The following TRHR variants were observed in gnomAD, a reference collection of about 807,000 sequenced individuals.
TRHR encodes the protein thyrotropin-releasing hormone receptor.
TRHR carries 14 observed loss-of-function variants against 28.0 expected under a neutral mutation model. The ratio of observed to expected loss-of-function variants is 0.50; its 90% CI spans 0.33 to 0.78. The LOEUF (loss-of-function observed/expected upper bound fraction) is 0.78, where lower values mean the gene tolerates loss of function less well. Among genes scored for constraint, TRHR ranks in the 30% least tolerant of loss-of-function variants. The pLI is 0.02. For missense variants in TRHR, 438 were observed against 469.5 expected (o/e 0.93, Z 0.62); for synonymous variants, 176 against 171.9 (o/e 1.02, Z -0.18).
At chr8:109,089,833 G>A (rs148717181) in intron 2 of TRHR, among the ~76,000 whole-genome samples, 71 of 152,288 alleles carry the variant, frequency 4.7e-4, no homozygotes, top group African/African-American at 1.6e-3. Context: ...CTGCAGCAAG[G>A]AAGATCAGGG....
chr8:109,099,938 A>G (rs1811650970), intron 2 of TRHR, among the ~76,000 whole-genome samples: 14 of 152,186 alleles, frequency 9.2e-5, no homozygotes, highest in Admixed American at 9.2e-4. Flanking sequence ...CTCTTAGCTT[A>G]GAAAATAAGG....
At chr8:109,087,343 G>A (rs941512606) in intron 1 of TRHR, 82 bp from the exon 2 acceptor site, 37 of 743,406 alleles carry the variant, frequency 5.0e-5, no homozygotes, top group Non-Finnish European at 6.8e-5. Flanking sequence ...AGTGAAAGGA[G>A]TGGAAGTGAC....
At chr8:109,109,966 AG>A (rs1811805774) in intron 2 of TRHR, among the ~76,000 whole-genome samples, 1 of 152,144 alleles carries the variant, frequency 6.6e-6, no homozygotes, top group Non-Finnish European at 1.5e-5. Flanking sequence ...TCACAGAGGA[AG>A]GGTCATGTCA....
At chr8:109,093,533 G>A (rs1811545460) in intron 2 of TRHR, among the ~76,000 whole-genome samples, 1 of 149,534 alleles carries the variant, frequency 6.7e-6, no homozygotes, top group Non-Finnish European at 1.5e-5. Flanking sequence ...AGCCTCCCGA[G>A]TAGCTGGGAT....
At chr8:109,089,002 A>T (rs897088385) in intron 2 of TRHR, among the ~76,000 whole-genome samples, 1 of 152,204 alleles carries the variant, frequency 6.6e-6, no homozygotes, top group Admixed American at 6.6e-5. Context: ...CCTGCTAAGC[A>T]TACCTAAAAA....
intron 2 of TRHR, among the ~76,000 whole-genome samples, chr8:109,088,889 G>T (rs569389977): frequency 6.6e-6 from 1 of 152,208 alleles, no homozygotes; most frequent in African/African-American, 2.4e-5. Flanking sequence ...GCATGCAGAA[G>T]CTGAAAATGC....
chr8:109,093,856 TA>T (rs77744561), intron 2 of TRHR, among the ~76,000 whole-genome samples: 5,577 of 140,500 alleles, frequency 0.04, 224 homozygotes, highest in African/African-American at 0.11. Flanking sequence ...CCAACTCATT[TA>T]AAAAAAAAAA....
chr8:109,089,831 A>T (rs2129867834), intron 2 of TRHR, among the ~76,000 whole-genome samples: 1 of 152,364 alleles, frequency 6.6e-6, no homozygotes, highest in East Asian at 1.9e-4. Context: ...GTCTGCAGCA[A>T]GGAAGATCAG....
intron 2 of TRHR, among the ~76,000 whole-genome samples, chr8:109,093,223 T>G (rs938523604): frequency 1.3e-5 from 2 of 151,506 alleles, no homozygotes; most frequent in Admixed American, 6.6e-5. Context: ...CTCTTCCCTC[T>G]CTCCCATGTG....
intron 2 of TRHR, among the ~76,000 whole-genome samples, chr8:109,098,000 C>G (rs1281443311): frequency 6.6e-6 from 1 of 152,198 alleles, no homozygotes; most frequent in East Asian, 1.9e-4. Context: ...CCTCCCACAT[C>G]CAGTATCTCC....
At chr8:109,089,507 G>A (rs1811493020) in intron 2 of TRHR, among the ~76,000 whole-genome samples, 1 of 152,056 alleles carries the variant, frequency 6.6e-6, no homozygotes, top group African/African-American at 2.4e-5. Context: ...AATGAATAAT[G>A]AGCCATAACT....
intron 2 of TRHR, among the ~76,000 whole-genome samples, chr8:109,090,040 G>A (rs1357861765): frequency 6.6e-6 from 1 of 152,190 alleles, no homozygotes; most frequent in South Asian, 2.1e-4. Flanking sequence ...TACAGAGGCT[G>A]TATGATAGAA....
intron 2 of TRHR, among the ~76,000 whole-genome samples, chr8:109,097,403 TTCTG>T (rs1811610992): frequency 6.6e-6 from 1 of 152,186 alleles, no homozygotes; most frequent in African/African-American, 2.4e-5. Flanking sequence ...TTCATCCCTT[TTCTG>T]TCTTTGTTCA....
rs1345411061 is a variant in TRHR at position 109,088,242 on chromosome 8, A to T, written c.730A>T (p.Asn244Tyr). The T allele has an allele frequency of 6.2e-7, 1 of 1,614,112 alleles. No individual in the cohort carries two copies. Residue 244 changes from asparagine (N) to tyrosine (Y), a missense_variant, in exon 2 of 3, where the codon AAT becomes TAT. Transcript: ENST00000518632. Reference protein sequence around the residue: ...WKNDSTHQNTNLNVNTSNRCF... With the variant: ...WKNDSTHQNTYLNVNTSNRCF... The stretch of plus-strand genomic sequence containing the variant: ...AAATGATTCAACCCATCAGAACACA[A>T]ATCTGAATGTAAATACCTCTAATAG...
At chr8:109,114,973 C>T (rs943279578) in intron 2 of TRHR, among the ~76,000 whole-genome samples, 11 of 151,978 alleles carry the variant, frequency 7.2e-5, no homozygotes, top group African/African-American at 2.7e-4. Flanking sequence ...AGATTCCTTC[C>T]CAATCAAAAG....
intron 2 of TRHR, among the ~76,000 whole-genome samples, chr8:109,103,648 A>C (rs1018097671): frequency 6.6e-6 from 1 of 152,142 alleles, no homozygotes; most frequent in Non-Finnish European, 1.5e-5. Flanking sequence ...GAGCTCTCCC[A>C]ACTCAAGAAG....
chr8:109,121,081 G>A lies in TRHR; in HGVS notation c.*1626G>A, dbSNP rs1363954193. On this transcript the variant is annotated 3_prime_UTR_variant, in exon 3 of 3. Transcript: ENST00000518632. ...TATCCAGAACCTCATTCTAGAGTGC[G>A]CTTTTTTTTTTTTGAAAATTGGCCT... 2.2e-5 allele frequency among the ~76,000 whole-genome samples: 2 copies of A among 91,260 alleles called. No homozygotes were observed. The highest frequency in any genetic ancestry group is 3.7e-4 in the South Asian group (1 of 2,738). 59.9% of individuals were successfully genotyped at this position (91,260 alleles called of 152,430 possible).
chr8:109,118,914 C>G, intron 2 of TRHR, 134 bp from the exon 3 acceptor site: 2 of 1,104,658 alleles, frequency 1.8e-6, no homozygotes, highest in Non-Finnish European at 1.4e-6. Context: ...GATCACCTCC[C>G]CAATAAATGA....
chr8:109,120,544 CTTG>C lies in TRHR; in HGVS notation c.*1095_*1097del, dbSNP rs1350127409. 6.6e-6 allele frequency among the ~76,000 whole-genome samples: 1 copy of C among 151,364 alleles called. No individual in the cohort carries two copies. Among genetic ancestry groups the C allele is most frequent in the African/African-American group, 2.4e-5 (1 of 41,272 alleles). On this transcript the variant is annotated 3_prime_UTR_variant, in exon 3 of 3. Coordinates refer to ENST00000518632, the MANE Select transcript of TRHR (RefSeq NM_003301.7). ...TGCAATTGTCTTTCCTTCCTATCTGCTTGTTGTTTGTAGGTTCTTTTTTTGTTT... is the reference window on the plus strand; with the variant it reads ...TGCAATTGTCTTTCCTTCCTATCTGCTTGTTTGTAGGTTCTTTTTTTGTTT...
Sources: allele counts gnomAD v4.1 joint callset (sites outside exome capture counted in the v4.1 genomes callset), GRCh38; gene constraint gnomAD v4.1.1; transcripts MANE v1.5; gene names NCBI Gene and HGNC (gene_info 2026-07-23, HGNC 2026-07-21).